The following MMP26 variants were observed in gnomAD, a reference collection of about 807,000 sequenced individuals.
MMP26 encodes the protein matrix metalloproteinase-26.
Under a neutral mutation model 31.0 loss-of-function variants are expected in MMP26, and 33 were observed. That is an observed-to-expected ratio of 1.06 (90% confidence interval 0.81 to 1.42). The LOEUF (loss-of-function observed/expected upper bound fraction) is 1.42, where lower values mean the gene tolerates loss of function less well. MMP26 is among the 40% of genes most tolerant of loss of function. MMP26 has a pLI of 0.00. For synonymous variants in MMP26, 122 were observed against 114.9 expected, an observed-to-expected ratio of 1.06 and a Z score of -0.40; for missense variants, 347 against 316.1, an observed-to-expected ratio of 1.10 and a Z score of -0.74.
chr11:4,761,644 T>C (rs772549450), intron 1 of MMP26, among the ~76,000 whole-genome samples: 2 of 152,206 alleles, frequency 1.3e-5, no homozygotes, highest in Non-Finnish European at 2.9e-5. Flanking sequence ...AAAAATGAAA[T>C]TGAATCATTT....
At chr11:4,963,236 G>GAAAA (rs1189704211) in intron 2 of MMP26, among the ~76,000 whole-genome samples, 44 of 152,142 alleles carry the variant, frequency 2.9e-4, no homozygotes, top group Admixed American at 6.5e-4. Context: ...AATAAGAGAG[G>GAAAA]ACACAAACAA....
Position 4,882,852 on chromosome 11 carries a change from A to G in MMP26, c.-144-105216A>G, listed in dbSNP as rs77300699. 2.0e-3 allele frequency: 3,292 copies of G among 1,613,580 alleles called. 7 individuals are homozygous for G. Among genetic ancestry groups the G allele is most frequent in the Non-Finnish European group, 2.6e-3 (3,123 of 1,179,732 alleles). Reference sequence around the variant, plus strand: ...CAATCCAAGGGTTCATGGGGTTTTAATGTGAGGGGTCTTAGGGGAAGATGG... The same window carrying G: ...CAATCCAAGGGTTCATGGGGTTTTAGTGTGAGGGGTCTTAGGGGAAGATGG... On this transcript the variant is annotated intron_variant, in intron 2 of 7. Coordinates refer to ENST00000380390, the MANE Select transcript of MMP26 (RefSeq NM_021801.5).
intron 1 of MMP26, among the ~76,000 whole-genome samples, chr11:4,761,053 A>T (rs1848564157): frequency 6.6e-6 from 1 of 152,164 alleles, no homozygotes. Context: ...GTGGAGGGTG[A>T]GTGGAGTTAG....
intron 2 of MMP26, among the ~76,000 whole-genome samples, chr11:4,904,699 T>C (rs1402445810): frequency 6.6e-6 from 1 of 152,106 alleles, no homozygotes; most frequent in Non-Finnish European, 1.5e-5. Context: ...AGAATGACTT[T>C]ACCGCTTAAA....
chr11:4,873,421 T>G (rs1454361968), intron 2 of MMP26, among the ~76,000 whole-genome samples: 2 of 152,094 alleles, frequency 1.3e-5, no homozygotes. Context: ...AATGATAAAG[T>G]GCAAAGTCAT....
chr11:4,766,972 A>G (rs1848640466), intron 1 of MMP26, among the ~76,000 whole-genome samples: 1 of 152,124 alleles, frequency 6.6e-6, no homozygotes. Context: ...GAATTACTCA[A>G]GAAAAAGACT....
intron 2 of MMP26, among the ~76,000 whole-genome samples, chr11:4,873,305 C>A: frequency 6.6e-6 from 1 of 152,152 alleles, no homozygotes; most frequent in East Asian, 1.9e-4. Flanking sequence ...TTATTCTTTA[C>A]TTTTTCTTAC....
At chr11:4,862,044 C>A (rs1850168689) in intron 2 of MMP26, among the ~76,000 whole-genome samples, 1 of 152,152 alleles carries the variant, frequency 6.6e-6, no homozygotes. Flanking sequence ...GAGATACTTC[C>A]TGATGTAGAA....
intron 2 of MMP26, among the ~76,000 whole-genome samples, chr11:4,820,787 C>T (rs528333342): frequency 1.1e-4 from 17 of 152,216 alleles, no homozygotes; most frequent in Admixed American, 3.9e-4. Context: ...AATTCGTGTA[C>T]GATCTATCTC....
intron 3 of MMP26, among the ~76,000 whole-genome samples, chr11:4,989,362 G>A (rs959606038): frequency 6.6e-6 from 1 of 152,088 alleles, no homozygotes; most frequent in African/African-American, 2.4e-5. Context: ...TCTTCCTGTC[G>A]TTTATACTTG....
At chr11:4,861,871 C>T (rs1850165485) in intron 2 of MMP26, among the ~76,000 whole-genome samples, 2 of 152,022 alleles carry the variant, frequency 1.3e-5, no homozygotes, top group Non-Finnish European at 2.9e-5. Flanking sequence ...TTAAGGGTTC[C>T]CAATGTACTT....
intron 2 of MMP26, among the ~76,000 whole-genome samples, chr11:4,962,998 C>G (rs55885795): frequency 6.6e-6 from 1 of 152,198 alleles, no homozygotes; most frequent in Non-Finnish European, 1.5e-5. Context: ...TCTGCCAAGT[C>G]TCATCCTGCC....
At chr11:4,919,949 T>C (rs1468686184) in intron 2 of MMP26, among the ~76,000 whole-genome samples, 1 of 152,146 alleles carries the variant, frequency 6.6e-6, no homozygotes, top group Non-Finnish European at 1.5e-5. Flanking sequence ...CAGGAGCTAA[T>C]TGGAGAAACT....
intron 2 of MMP26, chr11:4,848,683 AG>A: frequency 6.2e-7 from 1 of 1,614,064 alleles, no homozygotes; most frequent in Non-Finnish European, 8.5e-7. Context: ...GGGAGGCAGT[AG>A]GGCATGTAGG....
chr11:4,765,375 C>A (rs1848616186), intron 1 of MMP26, among the ~76,000 whole-genome samples: 1 of 152,198 alleles, frequency 6.6e-6, no homozygotes, highest in African/African-American at 2.4e-5. Context: ...TTCCTTCCTT[C>A]TCTCTTTAAC....
At chr11:4,945,898 C>T in intron 2 of MMP26, 2 of 464,542 alleles carry the variant, frequency 4.3e-6, no homozygotes, top group Non-Finnish European at 7.7e-6. Context: ...ATTTTTCTGT[C>T]TTGGTTGTAA....
intron 2 of MMP26, among the ~76,000 whole-genome samples, chr11:4,985,770 G>A (rs1359097428): frequency 5.3e-5 from 8 of 152,176 alleles, no homozygotes; most frequent in Admixed American, 1.3e-4. Flanking sequence ...AATCTTAAGT[G>A]TACAGCTTAG....
intron 2 of MMP26, among the ~76,000 whole-genome samples, chr11:4,949,539 AC>A: frequency 8.1e-6 from 1 of 123,390 alleles, no homozygotes; most frequent in East Asian, 2.3e-4. Context: ...GGCAAATCAT[AC>A]AGATGAGATA....
rs1443237750 is a variant in MMP26, at chr11:4,808,376, T to C, written c.-145+41035T>C. Among the ~76,000 whole-genome samples the C allele has an allele frequency of 7.2e-5, 11 of 152,128 alleles. No individual in the cohort carries two copies. In the South Asian group the frequency reaches 2.1e-3, roughly 29 times the overall value. ...GGGGTGTGCACAACTGCATGCTGAA[T>C]TAGAGGAAGATCTGAACTTGGACCC... On this transcript the variant is annotated intron_variant, in intron 2 of 7. Coordinates refer to ENST00000380390, the MANE Select transcript of MMP26 (RefSeq NM_021801.5).
Sources: gnomAD v4.1 joint callset for allele counts (sites outside exome capture counted in the v4.1 genomes callset) on GRCh38, gnomAD v4.1.1 for gene constraint, MANE v1.5 for transcripts, NCBI Gene and HGNC (gene_info 2026-07-23, HGNC 2026-07-21) for gene names.